Variants in PRDM8 observed in about 807,000 individuals in gnomAD.
PRDM8 encodes PR domain zinc finger protein 8.
In PRDM8, 13 loss-of-function variants were observed where a neutral mutation model predicts 46.5. The observed-to-expected ratio is 0.28, with a 90% CI of 0.18 to 0.44. The LOEUF is 0.44. Among genes scored for constraint, PRDM8 ranks in the 20% least tolerant of loss-of-function variants. PRDM8 has a pLI of 1.00. For missense variants in PRDM8, 998 were observed against 955.0 expected, an observed-to-expected ratio of 1.04 and a Z score of -0.59; for synonymous variants, 473 against 438.4, an observed-to-expected ratio of 1.08 and a Z score of -0.98.
At chr4:80,188,781 C>A (rs1347694444) in intron 1 of PRDM8, among the ~76,000 whole-genome samples, 1 of 152,226 alleles carries the variant, frequency 6.6e-6, no homozygotes, top group Non-Finnish European at 1.5e-5. Context: ...GCTGCTCCTG[C>A]GCGGAAGCTG....
rs1738065908 is a variant in PRDM8, at chr4:80,197,642, G to A, written c.-124G>A. The A allele has an allele frequency of 3.1e-6, 3 of 983,590 alleles. No homozygotes were observed. The South Asian group carries it at 1.4e-4, about 46-fold the overall frequency. The allele number at this position is 983,590 out of a possible 1,614,324, so 60.9% of individuals were successfully genotyped here. A position where few individuals can be genotyped will look rare whatever the true frequency, so the allele number is the denominator to read the frequency against. On this transcript the variant is annotated 5_prime_UTR_variant, in exon 1 of 4. Transcript: ENST00000415738. ...CTCTTCAGGAAGAGCCTAAAAGGCG[G>A]CAACACCAACACCTCTTGACATGGA... is the stretch of plus-strand genomic sequence containing the variant.
upstream of PRDM8, among the ~76,000 whole-genome samples, chr4:80,195,399 C>G (rs947235013): frequency 2.6e-5 from 4 of 152,120 alleles, no homozygotes; most frequent in Non-Finnish European, 5.9e-5. Context: ...ATTCTTCAAA[C>G]CTGAGGTTTA....
At chr4:80,199,965 A>G in intron 1 of PRDM8, 114 bp from the exon 2 acceptor site, 1 of 767,630 alleles carries the variant, frequency 1.3e-6, no homozygotes, top group Non-Finnish European at 2.1e-6. Flanking sequence ...GAGCTATGCA[A>G]AAATCAGGCA....
At chr4:80,190,251 G>C (rs1253275671) in intron 1 of PRDM8, 1 of 152,244 alleles carries the variant, frequency 6.6e-6, no homozygotes, top group Admixed American at 6.5e-5. Context: ...CAGGTTAAGT[G>C]GTCACCTAGC....
Position 80,203,363 on chromosome 4 carries a change from T to TCCGCATGCCTCCTG in PRDM8, c.1908_1909insCCTCCTGCCGCATG (p.Thr637ProfsTer5). On this transcript the variant is annotated frameshift_variant, in exon 4 of 4. Coordinates refer to ENST00000415738, the MANE Select transcript of PRDM8 (RefSeq NM_001099403.2). LOFTEE classifies it high-confidence loss of function. ...TGGTGCGCCAAGTGCAATGCCTCCTTCCGCATGACCTCCGACCTGGTGTAC... is the reference window on the plus strand; with the variant it reads ...TGGTGCGCCAAGTGCAATGCCTCCTTCCGCATGCCTCCTGCCGCATGACCTCCGACCTGGTGTAC... The TCCGCATGCCTCCTG allele has an allele frequency of 6.2e-7, 1 of 1,613,924 alleles. No individual in the cohort carries two copies. Among genetic ancestry groups the TCCGCATGCCTCCTG allele is most frequent in the Non-Finnish European group, 8.5e-7 (1 of 1,179,978 alleles).
intron 1 of PRDM8, among the ~76,000 whole-genome samples, chr4:80,191,118 A>C (rs1258463620): frequency 6.6e-6 from 1 of 152,244 alleles, no homozygotes; most frequent in African/African-American, 2.4e-5. Context: ...AAAACATCCA[A>C]AAAAGAGCAC....
chr4:80,202,895 C>T lies in PRDM8; in HGVS notation c.1433C>T (p.Thr478Met). Residue 478 changes from threonine to methionine, a missense_variant, in exon 4 of 4, where the codon ACG (threonine) becomes ATG (methionine). Physicochemically the swap from Thr to Met is moderately conservative, Grantham distance 81 (BLOSUM62 -1). Transcript: ENST00000415738. ...SAGSTSGGGGTGAGAAGGAGG... is the reference protein window; with the variant it reads ...SAGSTSGGGGMGAGAAGGAGG... ...GGCAGCACCAGCGGTGGGGGCGGAA[C>T]GGGCGCCGGGGCCGCAGGCGGCGCG... 7.6e-7 allele frequency: 1 copy of T among 1,321,592 alleles called. No homozygotes were observed. Among genetic ancestry groups the T allele is most frequent in the Non-Finnish European group, 9.6e-7 (1 of 1,046,432 alleles). The allele number at this position is 1,321,592 out of a possible 1,614,324, so 81.9% of individuals were successfully genotyped here.
intron 3 of PRDM8, 118 bp from the exon 4 acceptor site, chr4:80,201,796 G>A: frequency 1.4e-6 from 2 of 1,426,382 alleles, no homozygotes; most frequent in Admixed American, 1.8e-5. Flanking sequence ...AAATGAAGGT[G>A]GATTTGTCAA....
chr4:80,202,876 A>T lies in PRDM8; in HGVS notation c.1414A>T (p.Thr472Ser), dbSNP rs1369682541. 1 of 1,279,618 alleles carries T rather than the reference A, an allele frequency of 7.8e-7. No individual in the cohort carries two copies. The highest frequency in any genetic ancestry group is 9.8e-7 in the Non-Finnish European group (1 of 1,021,694). The allele number at this position is 1,279,618 out of a possible 1,614,324, so 79.3% of individuals were successfully genotyped here. ...GCCGCAGCTGGGCAGCGCGGGCAGCACCAGCGGTGGGGGCGGAACGGGCGC... is the reference window on the plus strand; with the variant it reads ...GCCGCAGCTGGGCAGCGCGGGCAGCTCCAGCGGTGGGGGCGGAACGGGCGC... ...SVPQLGSAGS[T>S]SGGGGTGAGA... is the part of the protein sequence containing the mutation. The change falls in exon 4 of 4, where the codon ACC becomes TCC. Residue 472 changes from threonine (T) to serine (S), a missense_variant. Coordinates refer to ENST00000415738, the MANE Select transcript of PRDM8 (RefSeq NM_001099403.2).
upstream of PRDM8, chr4:80,197,401 C>G: frequency 4.1e-6 from 4 of 978,258 alleles, no homozygotes; most frequent in South Asian, 9.5e-5. Context: ...CCGGAGGGAG[C>G]GCCTGGCCCA....
chr4:80,202,857 G>T lies in PRDM8; in HGVS notation c.1395G>T (p.Gln465His). 1.6e-6 allele frequency: 2 copies of T among 1,241,376 alleles called. No homozygotes were observed. The highest frequency in any genetic ancestry group is 2.0e-6 in the Non-Finnish European group (2 of 998,540). 76.9% of individuals were successfully genotyped at this position (1,241,376 alleles called of 1,614,324 possible). The change falls in exon 4 of 4, where the codon CAG becomes CAT. Residue 465 changes from glutamine to histidine, a missense_variant. Coordinates refer to ENST00000415738, the MANE Select transcript of PRDM8 (RefSeq NM_001099403.2). ...ARGSAFTSVP[Q>H]LGSAGSTSGG... ...GCAGCGCCTTCACTTCGGTGCCGCA[G>T]CTGGGCAGCGCGGGCAGCACCAGCG...
chr4:80,185,369 G>T (rs761585977), exon 1 of PRDM8: 3 of 152,318 alleles, frequency 2.0e-5, no homozygotes, highest in Admixed American at 6.5e-5. Flanking sequence ...AAAAAGCCTC[G>T]CTAGAGGAAT....
In PRDM8 at chr4:80,202,292, G is replaced by A. The variant is rs940146096; in HGVS notation, c.830G>A (p.Cys277Tyr). Residue 277 changes from cysteine to tyrosine, a missense_variant, in exon 4 of 4, where the codon TGC (cysteine) becomes TAC (tyrosine). Cys to Tyr is a radical substitution (Grantham distance 194). Coordinates refer to ENST00000415738, the MANE Select transcript of PRDM8 (RefSeq NM_001099403.2). ...ELENSRGGSSCSPAQSLSSGS... is the reference protein window; with the variant it reads ...ELENSRGGSSYSPAQSLSSGS... Reference sequence around the variant, plus strand: ...GAAAACTCCCGGGGAGGCAGCAGCTGCTCCCCAGCCCAGAGCCTCAGCAGC... The same window carrying A: ...GAAAACTCCCGGGGAGGCAGCAGCTACTCCCCAGCCCAGAGCCTCAGCAGC... 1 of 1,608,498 alleles carries A rather than the reference G, an allele frequency of 6.2e-7. No homozygotes were observed. The highest frequency in any genetic ancestry group is 1.7e-5 in the Admixed American group (1 of 59,728).
At chr4:80,198,538 T>C (rs1254573027) in intron 1 of PRDM8, among the ~76,000 whole-genome samples, 1 of 152,160 alleles carries the variant, frequency 6.6e-6, no homozygotes, top group Non-Finnish European at 1.5e-5. Flanking sequence ...CAGGGATAGA[T>C]GATGCAGAAT....
chr4:80,187,077 T>C (rs1237907529), intron 1 of PRDM8, among the ~76,000 whole-genome samples: 1 of 152,236 alleles, frequency 6.6e-6, no homozygotes, highest in Non-Finnish European at 1.5e-5. Flanking sequence ...TTCCAAGTTG[T>C]GGCTCCTTCT....
intron 1 of PRDM8, among the ~76,000 whole-genome samples, chr4:80,199,709 A>ATATGTGTGTGTGTGTGTGTG (rs370819149): frequency 1.5e-5 from 2 of 133,004 alleles, no homozygotes; most frequent in African/African-American, 5.8e-5. Flanking sequence ...ATATATATAT[A>ATATGTGTGTGTGTGTGTGTG]TGTGTGTGTG....
Position 80,202,026 on chromosome 4 carries a change from T to C in PRDM8, c.564T>C (p.Ser188=). 2 of 1,613,794 alleles carry C rather than the reference T, an allele frequency of 1.2e-6. No homozygotes were observed. The highest frequency in any genetic ancestry group is 2.7e-5 in the African/African-American group (2 of 74,900). ...CPKRLHSADI[S]PQDEQGGGVG... The stretch of plus-strand genomic sequence containing the variant: ...AGAGACTTCACAGCGCTGATATAAG[T>C]CCCCAAGACGAACAAGGCGGCGGCG... The change falls in exon 4 of 4, where the codon AGT becomes AGC. Residue 188 remains serine, a synonymous_variant. Transcript: ENST00000415738.
In PRDM8 at chr4:80,197,601, T is replaced by TC. The variant is rs1738062951; in HGVS notation, c.-163dup. The TC allele has an allele frequency of 1.1e-6, 1 of 938,934 alleles. No individual in the cohort carries two copies. The highest frequency in any genetic ancestry group is 1.3e-6 in the Non-Finnish European group (1 of 794,706). 58.2% of individuals were successfully genotyped at this position (938,934 alleles called of 1,614,324 possible). A position where few individuals can be genotyped will look rare whatever the true frequency, so the allele number is the denominator to read the frequency against. The stretch of plus-strand genomic sequence containing the variant: ...CCCCCAATCTTTTTCTCCCCATCTC[T>TC]CCATCTCTCTCTTATCTCTTCAGGA... On this transcript the variant is annotated 5_prime_UTR_variant, in exon 1 of 4. Transcript: ENST00000415738.
intron 2 of PRDM8, among the ~76,000 whole-genome samples, chr4:80,200,922 A>G (rs2109876576): frequency 6.6e-6 from 1 of 152,340 alleles, no homozygotes; most frequent in Middle Eastern, 3.4e-3. Context: ...AGCTTGCTTT[A>G]TTTCTGAAAC....
Sources: allele counts gnomAD v4.1 joint callset (sites outside exome capture counted in the v4.1 genomes callset), GRCh38; gene constraint gnomAD v4.1.1; transcripts MANE v1.5; gene names NCBI Gene and HGNC (gene_info 2026-07-23, HGNC 2026-07-21).